PPA2: variants seen among roughly 807,000 people sequenced by gnomAD.
The protein encoded by PPA2 is inorganic pyrophosphatase 2, mitochondrial.
Under a neutral mutation model 49.5 loss-of-function variants are expected in PPA2, and 48 were observed. That is an observed-to-expected ratio of 0.97 (90% CI 0.77 to 1.23). PPA2 has a LOEUF of 1.23. PPA2 is among the 50% of genes most tolerant of loss of function. The pLI, the probability that PPA2 is intolerant of heterozygous loss-of-function variation, is 0.00. For missense variants in PPA2, 429 were observed against 410.1 expected (o/e 1.05, Z -0.40); for synonymous variants, 131 against 139.9 (o/e 0.94, Z 0.45).
chr4:105,449,317 T>A, intron 4 of PPA2, 33 bp downstream of exon 4: 1 of 1,370,360 alleles, frequency 7.3e-7, no homozygotes, highest in Middle Eastern at 2.2e-4. Flanking sequence ...ATTATAATCA[T>A]TTCGGTTTCA....
At chr4:105,395,486 T>G (rs942920750) in intron 9 of PPA2, among the ~76,000 whole-genome samples, 1 of 152,158 alleles carries the variant, frequency 6.6e-6, no homozygotes, top group Non-Finnish European at 1.5e-5. Flanking sequence ...AAAATTTAAG[T>G]ATTAATTATG....
At chr4:105,397,409 T>A (rs67248885) in intron 8 of PPA2, among the ~76,000 whole-genome samples, 3 of 152,100 alleles carry the variant, frequency 2.0e-5, no homozygotes, top group Non-Finnish European at 4.4e-5. Flanking sequence ...AGATTTTTAA[T>A]CAAATTATTT....
intron 7 of PPA2, among the ~76,000 whole-genome samples, chr4:105,403,853 A>G (rs1369054984): frequency 6.6e-6 from 1 of 151,734 alleles, no homozygotes; most frequent in Non-Finnish European, 1.5e-5. Context: ...TCCTTTCCAT[A>G]TAAACCAATT....
At chr4:105,421,781 ACCTGTAATC>A (rs1723263475) in intron 7 of PPA2, among the ~76,000 whole-genome samples, 2 of 152,078 alleles carry the variant, frequency 1.3e-5, no homozygotes, top group Admixed American at 6.6e-5. Context: ...GGTGGCTCAA[ACCTGTAATC>A]CCAGTACTTT....
At chr4:105,462,966 C>T (rs1478889484) in intron 1 of PPA2, among the ~76,000 whole-genome samples, 1 of 152,134 alleles carries the variant, frequency 6.6e-6, no homozygotes. Flanking sequence ...TTGGGTATGC[C>T]TTTATCAGCA....
intron 5 of PPA2, among the ~76,000 whole-genome samples, chr4:105,445,533 C>T (rs550633269): frequency 2.0e-4 from 31 of 152,126 alleles, no homozygotes; most frequent in Middle Eastern, 6.8e-3. Context: ...CGGGCAGCTG[C>T]TTTTTCATGT....
chr4:105,371,969 T>A (rs13136159), intron 10 of PPA2, among the ~76,000 whole-genome samples: 49,245 of 151,622 alleles, frequency 0.32, 8,413 homozygotes, highest in African/African-American at 0.44. Flanking sequence ...ACATGGGTAA[T>A]AATTTAGTAG....
rs1472003305 is a variant in PPA2, at chr4:105,396,296, A to G, written c.822T>C (p.Cys274=). 1 of 1,599,158 alleles carries G rather than the reference A, an allele frequency of 6.3e-7. No individual in the cohort carries two copies. Among genetic ancestry groups the G allele is most frequent in the South Asian group, 1.1e-5 (1 of 87,558 alleles). ...ACTTCTTCATAAGCAATGCTTTCCAACATTGATGAGTGGATTTAATAACTT... is the reference window on the plus strand; with the variant it reads ...ACTTCTTCATAAGCAATGCTTTCCAGCATTGATGAGTGGATTTAATAACTT... ...ALEVIKSTHQ[C]WKALLMKKCN... The change falls in exon 9 of 12, where the codon TGT becomes TGC. Residue 274 remains cysteine (C), a synonymous_variant. Transcript: ENST00000341695.
intron 1 of PPA2, 80 bp downstream of exon 1, chr4:105,473,814 G>A: frequency 6.5e-7 from 1 of 1,535,056 alleles, no homozygotes; most frequent in South Asian, 1.2e-5. Context: ...ACCGCGCGGG[G>A]CGTCCCAAGT....
intron 7 of PPA2, among the ~76,000 whole-genome samples, chr4:105,422,065 T>C (rs1020288333): frequency 2.0e-5 from 3 of 152,068 alleles, no homozygotes; most frequent in Non-Finnish European, 4.4e-5. Flanking sequence ...AAACTTATTT[T>C]ATAAAATCTA....
intron 1 of PPA2, among the ~76,000 whole-genome samples, chr4:105,463,862 G>GT (rs1457879064): frequency 2.6e-5 from 4 of 152,226 alleles, no homozygotes; most frequent in African/African-American, 9.6e-5. Flanking sequence ...GATTTCAGGT[G>GT]TATGAAAACA....
chr4:105,470,622 C>A (rs7673860), intron 1 of PPA2, among the ~76,000 whole-genome samples: 1 of 151,954 alleles, frequency 6.6e-6, no homozygotes. Context: ...TTCACAGAAT[C>A]TAATAATAAG....
chr4:105,427,000 T>C (rs945435663), intron 6 of PPA2, among the ~76,000 whole-genome samples: 1 of 151,964 alleles, frequency 6.6e-6, no homozygotes, highest in African/African-American at 2.4e-5. Context: ...TGGGACGAAG[T>C]TTCAGGCAGC....
chr4:105,407,253 A>G (rs895611924), intron 7 of PPA2, among the ~76,000 whole-genome samples: 1 of 152,206 alleles, frequency 6.6e-6, no homozygotes, highest in Non-Finnish European at 1.5e-5. Context: ...ATATGTGGGC[A>G]AATGTAAAAG....
At chr4:105,404,142 G>A (rs1294871353) in intron 7 of PPA2, among the ~76,000 whole-genome samples, 3 of 151,378 alleles carry the variant, frequency 2.0e-5, no homozygotes, top group African/African-American at 7.3e-5. Flanking sequence ...ATTTAATCTA[G>A]AGACATATTA....
Position 105,437,848 on chromosome 4 carries a change from GC to G in PPA2, c.528+101del, listed in dbSNP as rs1463269477. 5.0e-6 allele frequency: 4 copies of G among 804,502 alleles called. No homozygotes were observed. The African/African-American group carries it at 5.4e-5, about 11-fold the overall frequency. 49.8% of individuals were successfully genotyped at this position (804,502 alleles called of 1,614,324 possible). On this transcript the variant is annotated intron_variant, in intron 6 of 11. Coordinates refer to ENST00000341695, the MANE Select transcript of PPA2 (RefSeq NM_176869.3). ...GGACTGATAACAGAGAAATCAATAG[GC>G]TTGAACTCTGAAGAGTTGAAGAACT...
chr4:105,406,384 C>A (rs1200572290), intron 7 of PPA2, among the ~76,000 whole-genome samples: 1 of 151,616 alleles, frequency 6.6e-6, no homozygotes, highest in African/African-American at 2.4e-5. Flanking sequence ...AGAGCCCCCG[C>A]AAAAGTGAAA....
intron 10 of PPA2, among the ~76,000 whole-genome samples, chr4:105,385,186 C>G (rs1733631751): frequency 6.6e-6 from 1 of 152,172 alleles, no homozygotes; most frequent in East Asian, 1.9e-4. Context: ...CCACTTCTGG[C>G]ATTTTATCCC....
chr4:105,430,504 C>T lies in PPA2; in HGVS notation c.529-6182G>A, dbSNP rs189117381. On this transcript the variant is annotated intron_variant, in intron 6 of 11. Coordinates refer to ENST00000341695, the MANE Select transcript of PPA2 (RefSeq NM_176869.3). ...TTGGGTGACTTAGACACCCCAGGGC[C>T]GAACAGCATATAAGACCGAACACAT... Among the ~76,000 whole-genome samples the T allele has an allele frequency of 1.6e-3, 244 of 152,228 alleles. 2 individuals are homozygous for T. The highest frequency in any genetic ancestry group is 5.7e-3 in the African/African-American group (238 of 41,548).
Sources: gnomAD v4.1 joint callset for allele counts (sites outside exome capture counted in the v4.1 genomes callset) on GRCh38, gnomAD v4.1.1 for gene constraint, MANE v1.5 for transcripts, NCBI Gene and HGNC (gene_info 2026-07-23, HGNC 2026-07-21) for gene names.